Variants in GTF2E1 observed in about 807,000 individuals in gnomAD.
The protein encoded by GTF2E1 is general transcription factor IIE subunit 1.
Under a neutral mutation model 34.9 loss-of-function variants are expected in GTF2E1, and 14 were observed. The observed-to-expected ratio is 0.40, with a 90% CI of 0.27 to 0.63. GTF2E1 has a LOEUF of 0.63. Among genes scored for constraint, GTF2E1 ranks in the 20% least tolerant of loss-of-function variants. The pLI, the probability that GTF2E1 is intolerant of heterozygous loss-of-function variation, is 0.39. For synonymous variants in GTF2E1, 188 were observed against 192.9 expected, an observed-to-expected ratio of 0.97 and a Z score of 0.21; for missense variants, 469 against 557.7, an observed-to-expected ratio of 0.84 and a Z score of 1.60.
chr3:120,771,740 T>C (rs1262478352), intron 3 of GTF2E1, among the ~76,000 whole-genome samples: 3 of 152,184 alleles, frequency 2.0e-5, no homozygotes, highest in Non-Finnish European at 4.4e-5. Context: ...CCTGAGTAAA[T>C]TGGGCTCCTT....
intron 3 of GTF2E1, among the ~76,000 whole-genome samples, chr3:120,773,484 A>G (rs992750118): frequency 6.6e-6 from 1 of 152,088 alleles, no homozygotes; most frequent in Non-Finnish European, 1.5e-5. Flanking sequence ...ACTAGGGGCT[A>G]CCTCTGCAGA....
intron 2 of GTF2E1, among the ~76,000 whole-genome samples, chr3:120,768,397 A>T (rs942034439): frequency 2.0e-5 from 3 of 152,136 alleles, no homozygotes; most frequent in Non-Finnish European, 2.9e-5. Context: ...CCGGTTTGTG[A>T]TGCTTTGAAA....
chr3:120,772,996 G>A (rs1426113744), intron 3 of GTF2E1, among the ~76,000 whole-genome samples: 1 of 151,926 alleles, frequency 6.6e-6, no homozygotes, highest in Non-Finnish European at 1.5e-5. Flanking sequence ...AGAAGAACCA[G>A]GAAATAGAGG....
At chr3:120,743,183 A>G (rs573863071) in intron 1 of GTF2E1, among the ~76,000 whole-genome samples, 135 of 152,362 alleles carry the variant, frequency 8.9e-4, no homozygotes, top group Non-Finnish European at 1.5e-3. Context: ...ACAACACCGC[A>G]GTTAGATGTG....
At chr3:120,759,932 G>C (rs747018366) in intron 2 of GTF2E1, among the ~76,000 whole-genome samples, 1 of 152,080 alleles carries the variant, frequency 6.6e-6, no homozygotes, top group Non-Finnish European at 1.5e-5. Context: ...GCTGTTTTTT[G>C]GTTCCATGTG....
At position 120,781,235 on chromosome 3, in the gene GTF2E1, A is replaced by G. The variant is rs1242165032; in HGVS notation, c.1085A>G (p.Asp362Gly). The G allele has an allele frequency of 1.9e-6, 3 of 1,614,124 alleles. No homozygotes were observed. The highest frequency in any genetic ancestry group is 2.5e-6 in the Non-Finnish European group (3 of 1,179,972). Residue 362 changes from aspartate to glycine, a missense_variant, in exon 5 of 5, where the codon GAT becomes GGT. By Grantham distance (94) the Asp-to-Gly change is moderately conservative. Coordinates refer to ENST00000283875, the MANE Select transcript of GTF2E1 (RefSeq NM_005513.3). Reference protein sequence around the residue: ...SDSESETSESDDDSPPRPAAV... With the variant: ...SDSESETSESGDDSPPRPAAV... ...TCAGAAAGCGAGACCAGTGAGTCAG[A>G]TGATGATTCTCCACCCCGTCCGGCA...
rs1005609766 is a variant in GTF2E1 at position 120,781,163 on chromosome 3, G to C, written c.1013G>C (p.Gly338Ala). ...HEKKTSSAMA[G>A]SVGAAAPVTA... is the part of the protein sequence containing the mutation. ...AAAAAGACTTCCTCTGCCATGGCTGGTTCAGTGGGGGCAGCTGCTCCAGTG... is the reference window on the plus strand; with the variant it reads ...AAAAAGACTTCCTCTGCCATGGCTGCTTCAGTGGGGGCAGCTGCTCCAGTG... Residue 338 changes from glycine (G) to alanine (A), a missense_variant, in exon 5 of 5, where the codon GGT (glycine) becomes GCT (alanine). Transcript: ENST00000283875. 1 of 1,614,124 alleles carries C rather than the reference G, an allele frequency of 6.2e-7. No homozygotes were observed.
chr3:120,781,400 A>G lies in GTF2E1; in HGVS notation c.1250A>G (p.Gln417Arg). 6.2e-7 allele frequency: 1 copy of G among 1,614,130 alleles called. No individual in the cohort carries two copies. The highest frequency in any genetic ancestry group is 8.5e-7 in the Non-Finnish European group (1 of 1,179,938). Residue 417 changes from glutamine to arginine, a missense_variant, in exon 5 of 5, where the codon CAG (glutamine) becomes CGG (arginine). Coordinates refer to ENST00000283875, the MANE Select transcript of GTF2E1 (RefSeq NM_005513.3). ...AGCCAACGGCCAGAGCTAGTGGCCC[A>G]GATGACACCAGAAGAAAAGGAAGCA... is the stretch of plus-strand genomic sequence containing the variant. ...EVSQRPELVA[Q>R]MTPEEKEAYI...
At chr3:120,771,665 T>C (rs116506314) in intron 3 of GTF2E1, among the ~76,000 whole-genome samples, 1,723 of 152,244 alleles carry the variant, frequency 0.011, 32 homozygotes, top group African/African-American at 0.04. Flanking sequence ...GCTGTATTTG[T>C]ATAGTTTTTA....
intron 1 of GTF2E1, among the ~76,000 whole-genome samples, chr3:120,747,016 T>C (rs1311479504): frequency 6.6e-6 from 1 of 152,112 alleles, no homozygotes; most frequent in African/African-American, 2.4e-5. Flanking sequence ...TGAAATTGTT[T>C]AAGGGATTTG....
intron 2 of GTF2E1, among the ~76,000 whole-genome samples, chr3:120,759,752 G>A (rs1709241621): frequency 6.6e-6 from 1 of 151,978 alleles, no homozygotes; most frequent in African/African-American, 2.4e-5. Flanking sequence ...TGGTTATAGA[G>A]GTGTGGTGTT....
chr3:120,769,196 T>TAAA (rs75846153), intron 2 of GTF2E1, among the ~76,000 whole-genome samples: 1,659 of 133,266 alleles, frequency 0.012, 29 homozygotes, highest in African/African-American at 0.043. Context: ...ATCTTTTACC[T>TAAA]AAAAAAAAAA....
At chr3:120,752,946 C>T (rs894515042) in intron 2 of GTF2E1, among the ~76,000 whole-genome samples, 1 of 152,078 alleles carries the variant, frequency 6.6e-6, no homozygotes, top group African/African-American at 2.4e-5. Context: ...TACAGTAAAG[C>T]CTGAGGTATC....
chr3:120,761,195 G>A (rs868552486), intron 2 of GTF2E1, among the ~76,000 whole-genome samples: 3 of 152,142 alleles, frequency 2.0e-5, no homozygotes, highest in African/African-American at 7.2e-5. Flanking sequence ...AGATTTTTTA[G>A]CTTATTTTTG....
chr3:120,774,893 T>A (rs770913911), intron 3 of GTF2E1, among the ~76,000 whole-genome samples: 3 of 152,198 alleles, frequency 2.0e-5, no homozygotes, highest in Non-Finnish European at 1.5e-5. Flanking sequence ...ATGGATTAAA[T>A]GACTGGATCA....
At chr3:120,743,838 CAG>C (rs1709080095) in intron 1 of GTF2E1, among the ~76,000 whole-genome samples, 1 of 152,150 alleles carries the variant, frequency 6.6e-6, no homozygotes, top group Admixed American at 6.5e-5. Flanking sequence ...AGACAGAGGG[CAG>C]AGGGTGCCTT....
intron 2 of GTF2E1, among the ~76,000 whole-genome samples, chr3:120,751,463 G>A (rs995720479): frequency 1.9e-4 from 29 of 152,152 alleles, no homozygotes; most frequent in African/African-American, 6.8e-4. Context: ...AGACCTAAAA[G>A]ATAGTAAGAG....
chr3:120,744,500 C>G (rs947410483), intron 1 of GTF2E1, among the ~76,000 whole-genome samples: 7 of 152,204 alleles, frequency 4.6e-5, no homozygotes, highest in Non-Finnish European at 8.8e-5. Flanking sequence ...AAGTGATTTC[C>G]TCATTTCTTC....
At chr3:120,747,874 A>C (rs923929240) in intron 1 of GTF2E1, among the ~76,000 whole-genome samples, 21 of 152,206 alleles carry the variant, frequency 1.4e-4, no homozygotes, top group Non-Finnish European at 2.6e-4. Flanking sequence ...ACAGTGTAAA[A>C]GTCTGTTCCT....
Sources: gnomAD v4.1 joint callset for allele counts (sites outside exome capture counted in the v4.1 genomes callset) on GRCh38, gnomAD v4.1.1 for gene constraint, MANE v1.5 for transcripts, NCBI Gene and HGNC (gene_info 2026-07-23, HGNC 2026-07-21) for gene names.